GNA14: variants seen among roughly 807,000 people sequenced by gnomAD.
GNA14 encodes the protein guanine nucleotide-binding protein subunit alpha-14.
GNA14 carries 50 observed loss-of-function variants against 42.0 expected under a neutral mutation model. That is an observed-to-expected ratio of 1.19 (90% confidence interval 0.95 to 1.51). The LOEUF is 1.51. GNA14 is among the 40% of genes most tolerant of loss of function. The pLI, the probability that GNA14 is intolerant of heterozygous loss-of-function variation, is 0.00. For missense variants in GNA14, 473 were observed against 446.2 expected, an observed-to-expected ratio of 1.06 and a Z score of -0.54; for synonymous variants, 173 against 163.1, an observed-to-expected ratio of 1.06 and a Z score of -0.46.
intron 2 of GNA14, among the ~76,000 whole-genome samples, chr9:77,463,243 T>C (rs2131714022): frequency 6.6e-6 from 1 of 152,302 alleles, no homozygotes; most frequent in East Asian, 1.9e-4. Flanking sequence ...TGAGGAAAGA[T>C]ACTAGGAGTC....
chr9:77,580,582 G>T (rs1312497925), intron 1 of GNA14: 5 of 502,972 alleles, frequency 9.9e-6, no homozygotes, highest in Non-Finnish European at 1.9e-5. Context: ...TGAAGCTTGG[G>T]TTTGCACCAA....
intron 1 of GNA14, among the ~76,000 whole-genome samples, chr9:77,642,960 C>T (rs1362528150): frequency 6.6e-6 from 1 of 152,158 alleles, no homozygotes; most frequent in East Asian, 1.9e-4. Flanking sequence ...ATCTTACCCT[C>T]ACCATAGTTC....
chr9:77,609,684 C>T (rs1388393896), intron 1 of GNA14, among the ~76,000 whole-genome samples: 1 of 152,162 alleles, frequency 6.6e-6, no homozygotes, highest in African/African-American at 2.4e-5. Context: ...GGAGAAAACA[C>T]ATCCTGATTT....
chr9:77,534,271 T>C (rs10869935), intron 1 of GNA14, among the ~76,000 whole-genome samples: 43,663 of 152,146 alleles, frequency 0.29, 6,981 homozygotes, highest in African/African-American at 0.42. Context: ...AGGAGATTCC[T>C]CCACTCTTCT....
chr9:77,616,916 C>T (rs1823829732), intron 1 of GNA14, among the ~76,000 whole-genome samples: 1 of 148,354 alleles, frequency 6.7e-6, no homozygotes, highest in South Asian at 2.1e-4. Context: ...GTCGCCCAGG[C>T]TGGAGTGTGG....
chr9:77,504,768 A>C (rs1320893718), intron 2 of GNA14, among the ~76,000 whole-genome samples: 1 of 150,186 alleles, frequency 6.7e-6, no homozygotes, highest in Non-Finnish European at 1.5e-5. Context: ...CCTGGGTTCA[A>C]GCGATTCTCC....
Position 77,507,559 on chromosome 9 carries a change from A to C in GNA14, c.309+21510T>G, listed in dbSNP as rs186018523. Among the ~76,000 whole-genome samples the C allele has an allele frequency of 3.9e-5, 6 of 152,308 alleles. No individual in the cohort carries two copies. In the East Asian group the frequency reaches 1.2e-3, roughly 29 times the overall value. ...AAATCTTATTGGAATTCATAAAAAA[A>C]CAGCTGTATTTCCCTCTGTTTTCAT... On this transcript the variant is annotated intron_variant, in intron 2 of 6. Transcript: ENST00000341700.
intron 1 of GNA14, among the ~76,000 whole-genome samples, chr9:77,643,932 C>T (rs1824309823): frequency 6.6e-6 from 1 of 152,072 alleles, no homozygotes; most frequent in African/African-American, 2.4e-5. Context: ...GAATTTAGTC[C>T]ACAGCTAAGA....
intron 1 of GNA14, among the ~76,000 whole-genome samples, chr9:77,596,267 T>C (rs1823465973): frequency 6.6e-6 from 1 of 152,066 alleles, no homozygotes; most frequent in South Asian, 2.1e-4. Context: ...ATTTTCTGAG[T>C]GACTGAAATT....
intron 1 of GNA14, among the ~76,000 whole-genome samples, chr9:77,538,238 T>C (rs1244364205): frequency 1.3e-5 from 2 of 152,078 alleles, no homozygotes; most frequent in Non-Finnish European, 2.9e-5. Flanking sequence ...ACCCAGCTAA[T>C]TTTTTAAAAT....
chr9:77,528,879 A>G (rs773457410), intron 2 of GNA14, among the ~76,000 whole-genome samples, 190 bp downstream of exon 2: 3 of 152,154 alleles, frequency 2.0e-5, no homozygotes, highest in Non-Finnish European at 4.4e-5. Flanking sequence ...CGCTACCACC[A>G]TGAGAGAAGT....
chr9:77,540,034 G>A (rs1206079064), intron 1 of GNA14, among the ~76,000 whole-genome samples: 1 of 151,600 alleles, frequency 6.6e-6, no homozygotes, highest in Non-Finnish European at 1.5e-5. Context: ...ACTAATGTTG[G>A]GTTTGGTTTG....
intron 2 of GNA14, among the ~76,000 whole-genome samples, chr9:77,456,908 A>C (rs1471791787): frequency 6.6e-6 from 1 of 152,216 alleles, no homozygotes; most frequent in East Asian, 1.9e-4. Flanking sequence ...AAAAATAAAC[A>C]CAGCTGACGA....
intron 2 of GNA14, among the ~76,000 whole-genome samples, chr9:77,470,446 G>A (rs1162299364): frequency 2.6e-5 from 4 of 152,164 alleles, no homozygotes; most frequent in Admixed American, 6.5e-5. Context: ...CCATGGTGAC[G>A]GTAGAATACT....
At chr9:77,488,898 C>G (rs539853542) in intron 2 of GNA14, among the ~76,000 whole-genome samples, 1 of 148,478 alleles carries the variant, frequency 6.7e-6, no homozygotes, top group African/African-American at 2.5e-5. Context: ...CAACAGCAAA[C>G]AGGAAACCAT....
intron 1 of GNA14, among the ~76,000 whole-genome samples, chr9:77,533,445 G>A (rs1227579631): frequency 6.6e-6 from 1 of 152,196 alleles, no homozygotes; most frequent in African/African-American, 2.4e-5. Context: ...CTCTCAAAAT[G>A]CAAGGATTAC....
rs1824388549 is a variant in GNA14, at chr9:77,647,997, G to A, written c.-204C>T. 5 of 584,810 alleles carry A rather than the reference G, an allele frequency of 8.5e-6. No individual in the cohort carries two copies. Among genetic ancestry groups the A allele is most frequent in the Admixed American group, 3.4e-5 (1 of 29,018 alleles). The allele number at this position is 584,810 out of a possible 1,614,324, so 36.2% of individuals were successfully genotyped here. On this transcript the variant is annotated 5_prime_UTR_variant, in exon 1 of 7. Transcript: ENST00000341700. ...TCGGCTCTGAGGCGGGGTGAATGCCGAGCGCTGGGAACGCTCGAGTGCACC... is the reference window on the plus strand; with the variant it reads ...TCGGCTCTGAGGCGGGGTGAATGCCAAGCGCTGGGAACGCTCGAGTGCACC...
chr9:77,589,582 G>A lies in GNA14; in HGVS notation c.124+58088C>T, dbSNP rs183653999. The stretch of plus-strand genomic sequence containing the variant: ...TTGTTGAAAGGGGAGAGGGTTGTTT[G>A]CTCATCCAGGGTGGAGAAACCTCTG... On this transcript the variant is annotated intron_variant, in intron 1 of 6. Transcript: ENST00000341700. Among the ~76,000 whole-genome samples the A allele has an allele frequency of 5.3e-4, 80 of 152,230 alleles. 1 individual carries two copies. Among genetic ancestry groups the A allele is most frequent in the Admixed American group, 2.6e-3 (40 of 15,298 alleles).
At chr9:77,475,624 C>A (rs925077846) in intron 2 of GNA14, among the ~76,000 whole-genome samples, 2 of 152,108 alleles carry the variant, frequency 1.3e-5, no homozygotes, top group African/African-American at 4.8e-5. Flanking sequence ...CCTCCTTGCT[C>A]CCCTCTCCTC....
Sources: gnomAD v4.1 joint callset for allele counts (sites outside exome capture counted in the v4.1 genomes callset) on GRCh38, gnomAD v4.1.1 for gene constraint, MANE v1.5 for transcripts, NCBI Gene and HGNC (gene_info 2026-07-23, HGNC 2026-07-21) for gene names.